Variants in IL7 observed in about 807,000 individuals in gnomAD.
The protein encoded by IL7 is interleukin-7.
A neutral mutation model predicts 21.6 loss-of-function variants in IL7; 3 were observed. That is an observed-to-expected ratio of 0.14 (90% CI 0.06 to 0.36). The LOEUF (loss-of-function observed/expected upper bound fraction) is 0.36. IL7 is among the 10% of genes least tolerant of loss of function. The probability of loss-of-function intolerance (pLI) is 1.00; values close to 1 mark genes in which losing one functional copy is unlikely to be tolerated. For missense variants in IL7, 175 were observed against 200.2 expected (o/e 0.87, Z 0.76); for synonymous variants, 62 against 68.1 (o/e 0.91, Z 0.44).
chr8:78,723,073 A>G (rs528104791), intron 3 of IL7, among the ~76,000 whole-genome samples: 2 of 132,476 alleles, frequency 1.5e-5, no homozygotes, highest in African/African-American at 5.3e-5. Flanking sequence ...AAAGCCTTCT[A>G]TAAAAATATA....
At chr8:78,792,078 C>A (rs1813715764) in intron 2 of IL7, among the ~76,000 whole-genome samples, 1 of 152,092 alleles carries the variant, frequency 6.6e-6, no homozygotes, top group African/African-American at 2.4e-5. Flanking sequence ...CTGTCTGGTC[C>A]TGGCATAGGG....
At chr8:78,782,573 A>T (rs866473622) in intron 2 of IL7, among the ~76,000 whole-genome samples, 3 of 152,184 alleles carry the variant, frequency 2.0e-5, no homozygotes, top group Admixed American at 6.5e-5. Context: ...AACAGCAAAG[A>T]TGGCTTACTG....
intron 4 of IL7, among the ~76,000 whole-genome samples, chr8:78,676,638 G>A (rs1398707873): frequency 4.0e-5 from 6 of 151,870 alleles, no homozygotes; most frequent in Admixed American, 3.3e-4. Context: ...ACTATTTCTA[G>A]TTTGTTTCTT....
intron 2 of IL7, among the ~76,000 whole-genome samples, chr8:78,769,749 A>G (rs984186868): frequency 1.3e-5 from 2 of 152,208 alleles, no homozygotes; most frequent in African/African-American, 2.4e-5. Context: ...CCAAAAGAAC[A>G]AAGCTGGAGG....
At chr8:78,688,994 T>C (rs1170309354) in intron 3 of IL7, among the ~76,000 whole-genome samples, 3 of 151,618 alleles carry the variant, frequency 2.0e-5, no homozygotes, top group African/African-American at 7.3e-5. Context: ...ACACATTTGA[T>C]TCAAAGCTAG....
At chr8:78,760,964 T>C in intron 2 of IL7, 1 of 1,573,670 alleles carries the variant, frequency 6.4e-7, no homozygotes, top group Non-Finnish European at 8.6e-7. Context: ...AGATAGGACA[T>C]TTTTAAGAAC....
intron 3 of IL7, among the ~76,000 whole-genome samples, chr8:78,709,904 A>G (rs1159927738): frequency 6.6e-6 from 1 of 152,120 alleles, no homozygotes; most frequent in East Asian, 1.9e-4. Context: ...TCTTTTCCCA[A>G]TATTATTTCA....
intron 2 of IL7, among the ~76,000 whole-genome samples, chr8:78,764,971 GA>G (rs1297815038): frequency 6.6e-6 from 1 of 152,046 alleles, no homozygotes; most frequent in African/African-American, 2.4e-5. Context: ...TAGCATTAGT[GA>G]AAAAACAGAC....
intron 3 of IL7, among the ~76,000 whole-genome samples, chr8:78,709,417 A>G (rs1810884503): frequency 2.0e-5 from 3 of 152,094 alleles, no homozygotes; most frequent in Admixed American, 1.3e-4. Context: ...ATTTTTATGA[A>G]CTTATCTTTT....
intron 2 of IL7, among the ~76,000 whole-genome samples, chr8:78,785,086 C>A (rs1813465118): frequency 6.6e-6 from 1 of 152,076 alleles, no homozygotes; most frequent in Non-Finnish European, 1.5e-5. Flanking sequence ...TCTCCTCCAA[C>A]TGACTTGCCA....
At chr8:78,729,384 G>A (rs981438267), downstream of IL7, among the ~76,000 whole-genome samples, 1 of 151,982 alleles carries the variant, frequency 6.6e-6, no homozygotes, top group Non-Finnish European at 1.5e-5. Flanking sequence ...TTTGTGTTGC[G>A]TCTTCCCAAT....
At chr8:78,701,726 C>G (rs767211658) in intron 3 of IL7, among the ~76,000 whole-genome samples, 34 of 152,116 alleles carry the variant, frequency 2.2e-4, no homozygotes, top group Non-Finnish European at 1.5e-5. Flanking sequence ...TATTGAAAAC[C>G]TTTTCGTCAT....
chr8:78,718,729 T>C (rs1811178668), intron 6 of IL7: 1 of 151,878 alleles, frequency 6.6e-6, no homozygotes, highest in East Asian at 1.9e-4. Flanking sequence ...CTCTTAATCA[T>C]TGTCACTTTC....
chr8:78,711,966 G>A, intron 3 of IL7: 1 of 1,267,370 alleles, frequency 7.9e-7, no homozygotes, highest in Non-Finnish European at 1.0e-6. Context: ...CTCCTTATGG[G>A]TACACCTTTA....
intron 4 of IL7, among the ~76,000 whole-genome samples, chr8:78,677,025 C>G (rs1351179434): frequency 6.6e-6 from 1 of 152,046 alleles, no homozygotes; most frequent in Non-Finnish European, 1.5e-5. Context: ...AATTACAGTG[C>G]TTGGTTGTTG....
chr8:78,727,659 T>A lies in IL7; in HGVS notation n.268-6219A>T, dbSNP rs182592050. ...CTGAGAAATATGTATCCAAACCTTC[T>A]GATAAGGAGGCAATGGGTAATTTTA... On this transcript the variant is annotated intron_variant and non_coding_transcript_variant, in intron 3 of 6. Coordinates refer to the IL7 transcript ENST00000519833. Among the ~76,000 whole-genome samples the A allele has an allele frequency of 2.6e-5, 4 of 152,156 alleles. No individual in the cohort carries two copies. In the East Asian group the frequency reaches 5.8e-4, roughly 22 times the overall value.
chr8:78,762,256 T>A, intron 2 of IL7: 1 of 1,578,948 alleles, frequency 6.3e-7, no homozygotes, highest in Non-Finnish European at 8.7e-7. Flanking sequence ...GTTTGGCACA[T>A]AATCGATAAT....
chr8:78,755,685 A>G (rs1233836507), intron 2 of IL7, among the ~76,000 whole-genome samples: 7 of 152,058 alleles, frequency 4.6e-5, no homozygotes, highest in Admixed American at 3.9e-4. Context: ...TTAATTTTGT[A>G]TCTGGCAACT....
rs573819509 is a variant in IL7 at position 78,679,688 on chromosome 8, AG to A, written n.274-3585del. On this transcript the variant is annotated intron_variant and non_coding_transcript_variant, in intron 4 of 4. Coordinates refer to the IL7 transcript ENST00000523959. The stretch of plus-strand genomic sequence containing the variant: ...ATTTAAGCTAAGTACCTGATTGAAT[AG>A]GTTTTTTAAACAGAATCCTACTGTT... 2.5e-3 allele frequency among the ~76,000 whole-genome samples: 388 copies of A among 152,284 alleles called. 2 individuals carry two copies. Among genetic ancestry groups the A allele is most frequent in the Non-Finnish European group, 4.2e-3 (288 of 68,002 alleles).
Sources: allele counts gnomAD v4.1 joint callset (sites outside exome capture counted in the v4.1 genomes callset), GRCh38; gene constraint gnomAD v4.1.1; transcripts MANE v1.5; gene names NCBI Gene and HGNC (gene_info 2026-07-23, HGNC 2026-07-21).